EPB41L4B: variants seen among roughly 807,000 people sequenced by gnomAD.
EPB41L4B encodes erythrocyte membrane protein band 4.1 like 4B.
A neutral mutation model predicts 112.5 loss-of-function variants in EPB41L4B; 30 were observed. The observed-to-expected ratio is 0.27, with a 90% CI of 0.20 to 0.36. EPB41L4B has a LOEUF of 0.36. Among genes scored for constraint, EPB41L4B ranks in the 10% least tolerant of loss-of-function variants. The pLI, the probability that EPB41L4B is intolerant of heterozygous loss-of-function variation, is 1.00. For missense variants in EPB41L4B, 1,024 were observed against 1,133.3 expected (o/e 0.90, Z 1.38); for synonymous variants, 408 against 439.7 (o/e 0.93, Z 0.90).
At chr9:109,259,728 T>C (rs924540057) in intron 6 of EPB41L4B, among the ~76,000 whole-genome samples, 1 of 152,212 alleles carries the variant, frequency 6.6e-6, no homozygotes, top group Non-Finnish European at 1.5e-5. Flanking sequence ...AGTTCTCCCT[T>C]CTTTTCCTTT....
chr9:109,269,268 A>G (rs1322490686), intron 2 of EPB41L4B, among the ~76,000 whole-genome samples: 1 of 152,224 alleles, frequency 6.6e-6, no homozygotes, highest in African/African-American at 2.4e-5. Flanking sequence ...GCAGGCAGGG[A>G]TTTGCCTAAG....
chr9:109,227,545 G>T lies in EPB41L4B; in HGVS notation c.1410-10400C>A, dbSNP rs1175910509. Reference sequence around the variant, plus strand: ...TTATTCCTAGGTATTTTTCAATTTTGTCACAATTGAAAATGAGATCTTATT... The same window carrying T: ...TTATTCCTAGGTATTTTTCAATTTTTTCACAATTGAAAATGAGATCTTATT... On this transcript the variant is annotated intron_variant, in intron 15 of 25. Coordinates refer to ENST00000374566, the MANE Select transcript of EPB41L4B (RefSeq NM_019114.5). Among the ~76,000 whole-genome samples, 7 of 151,708 alleles carry T rather than the reference G, an allele frequency of 4.6e-5. No individual in the cohort carries two copies. In the South Asian group the frequency reaches 1.5e-3, roughly 32 times the overall value.
At chr9:109,299,071 A>C (rs983934829) in intron 1 of EPB41L4B, among the ~76,000 whole-genome samples, 1 of 152,204 alleles carries the variant, frequency 6.6e-6, no homozygotes, top group African/African-American at 2.4e-5. Context: ...CTGTAAAGAC[A>C]GGGGACATTC....
intron 15 of EPB41L4B, among the ~76,000 whole-genome samples, chr9:109,224,572 C>T (rs1163434726): frequency 1.3e-5 from 2 of 152,080 alleles, no homozygotes; most frequent in African/African-American, 2.4e-5. Context: ...GGAGTGACTG[C>T]TAATGGGTGT....
chr9:109,228,988 T>C (rs1833868987), intron 15 of EPB41L4B, among the ~76,000 whole-genome samples: 1 of 152,252 alleles, frequency 6.6e-6, no homozygotes, highest in Non-Finnish European at 1.5e-5. Context: ...AAAACATATA[T>C]GATGTGATTA....
chr9:109,173,794 A>C lies in EPB41L4B; in HGVS notation c.*760T>G, dbSNP rs1831710939. The C allele has an allele frequency of 6.6e-6, 1 of 152,634 alleles. No homozygotes were observed. The highest frequency in any genetic ancestry group is 6.5e-5 in the Admixed American group (1 of 15,280). The allele number at this position is 152,634 out of a possible 1,614,324, so 9.5% of individuals were successfully genotyped here. A position where few individuals can be genotyped will look rare whatever the true frequency, so the allele number is the denominator to read the frequency against. On this transcript the variant is annotated 3_prime_UTR_variant, in exon 26 of 26. Transcript: ENST00000374566. Reference sequence around the variant, plus strand: ...AAAAAGAGCAAAATTTCTTCTGGTCAAGATTCTATCAATACGACATGAATC... The same window carrying C: ...AAAAAGAGCAAAATTTCTTCTGGTCCAGATTCTATCAATACGACATGAATC...
intron 1 of EPB41L4B, among the ~76,000 whole-genome samples, chr9:109,292,807 T>C (rs1029751087): frequency 9.2e-5 from 14 of 152,222 alleles, no homozygotes; most frequent in African/African-American, 3.1e-4. Flanking sequence ...ATGGTGTTAA[T>C]GATGTTCTGC....
intron 1 of EPB41L4B, among the ~76,000 whole-genome samples, chr9:109,310,275 TTGTTTAGGAAAACGTAC>T (rs1357268823): frequency 2.0e-5 from 3 of 152,092 alleles, no homozygotes; most frequent in Non-Finnish European, 4.4e-5. Flanking sequence ...TAACATGATA[TTGTTTAGGAAAACGTAC>T]ACATGCAGAG....
chr9:109,187,695 G>A (rs563029787), intron 22 of EPB41L4B, among the ~76,000 whole-genome samples: 27 of 152,260 alleles, frequency 1.8e-4, no homozygotes, highest in African/African-American at 6.3e-4. Context: ...TAGCAGGCAC[G>A]CAATGGGTAT....
At chr9:109,298,060 A>C (rs1478730436) in intron 1 of EPB41L4B, among the ~76,000 whole-genome samples, 1 of 151,452 alleles carries the variant, frequency 6.6e-6, no homozygotes, top group Non-Finnish European at 1.5e-5. Context: ...AGTCTTAAGA[A>C]AAAAAAAAGT....
chr9:109,303,495 G>A (rs1307658354), intron 1 of EPB41L4B, among the ~76,000 whole-genome samples: 2 of 151,968 alleles, frequency 1.3e-5, no homozygotes, highest in African/African-American at 2.4e-5. Flanking sequence ...ACAGGTGCAC[G>A]CCATCGCACC....
At chr9:109,192,186 A>AGTGCCC in intron 22 of EPB41L4B, 92 bp downstream of exon 22, 1 of 1,019,344 alleles carries the variant, frequency 9.8e-7, no homozygotes, top group East Asian at 2.5e-5. Flanking sequence ...GAGGCTCCTC[A>AGTGCCC]ACAGCAATGC....
intron 1 of EPB41L4B, among the ~76,000 whole-genome samples, chr9:109,282,228 T>A (rs1836092010): frequency 6.6e-6 from 1 of 152,178 alleles, no homozygotes; most frequent in African/African-American, 2.4e-5. Context: ...TAGTGGTTGC[T>A]TCGGGCAAAG....
At position 109,190,981 on chromosome 9, in the gene EPB41L4B, G is replaced by A. The variant is rs80354211; in HGVS notation, c.2301+1297C>T. Among the ~76,000 whole-genome samples, 426 of 152,284 alleles carry A rather than the reference G, an allele frequency of 2.8e-3. 2 individuals are homozygous for A. The highest frequency in any genetic ancestry group is 9.6e-3 in the African/African-American group (399 of 41,546). Reference sequence around the variant, plus strand: ...AGCAGCATCCAGGACACTGACTTGCGGAGGCAGGCCTGGTCCCCTGAGATA... The same window carrying A: ...AGCAGCATCCAGGACACTGACTTGCAGAGGCAGGCCTGGTCCCCTGAGATA... On this transcript the variant is annotated intron_variant, in intron 22 of 25. Transcript: ENST00000374566.
chr9:109,246,969 T>A (rs1015829705), intron 14 of EPB41L4B, among the ~76,000 whole-genome samples: 1 of 152,184 alleles, frequency 6.6e-6, no homozygotes, highest in Non-Finnish European at 1.5e-5. Flanking sequence ...AGCGTTTTTT[T>A]AAAAAAGATA....
intron 6 of EPB41L4B, among the ~76,000 whole-genome samples, chr9:109,258,726 T>C (rs1835075953): frequency 6.6e-6 from 1 of 152,044 alleles, no homozygotes; most frequent in African/African-American, 2.4e-5. Context: ...CTGGAGAGGA[T>C]AGATCAAGAA....
intron 1 of EPB41L4B, among the ~76,000 whole-genome samples, chr9:109,283,678 T>C (rs1388513878): frequency 2.0e-5 from 3 of 152,176 alleles, no homozygotes; most frequent in Non-Finnish European, 4.4e-5. Flanking sequence ...TAAAAATACA[T>C]ATGTGTTATG....
intron 24 of EPB41L4B, 138 bp downstream of exon 24, chr9:109,182,591 C>T (rs1326264425): frequency 2.9e-6 from 2 of 684,886 alleles, no homozygotes; most frequent in Non-Finnish European, 5.2e-6. Flanking sequence ...GACTGCAAAT[C>T]CAAGTTTCTT....
At chr9:109,304,803 A>G (rs942279241) in intron 1 of EPB41L4B, among the ~76,000 whole-genome samples, 1 of 152,186 alleles carries the variant, frequency 6.6e-6, no homozygotes, top group Non-Finnish European at 1.5e-5. Context: ...CACATATTGC[A>G]TGATTCTATT....
Sources: gnomAD v4.1 joint callset for allele counts (sites outside exome capture counted in the v4.1 genomes callset) on GRCh38, gnomAD v4.1.1 for gene constraint, MANE v1.5 for transcripts, NCBI Gene and HGNC (gene_info 2026-07-23, HGNC 2026-07-21) for gene names.